The following ACTN1 variants were observed in gnomAD, a reference collection of about 807,000 sequenced individuals.
ACTN1 encodes the protein alpha-actinin-1.
A neutral mutation model predicts 119.6 loss-of-function variants in ACTN1; 30 were observed. That is an observed-to-expected ratio of 0.25 (90% CI 0.19 to 0.34). The LOEUF (loss-of-function observed/expected upper bound fraction) is 0.34. ACTN1 is among the 10% of genes least tolerant of loss of function. The pLI is 1.00. For synonymous variants in ACTN1, 429 were observed against 472.6 expected (o/e 0.91, Z 1.20); for missense variants, 764 against 1,223.4 (o/e 0.62, Z 5.60).
intron 1 of ACTN1, among the ~76,000 whole-genome samples, chr14:68,930,483 G>A (rs2035174782): frequency 6.6e-6 from 1 of 152,150 alleles, no homozygotes; most frequent in Non-Finnish European, 1.5e-5. Flanking sequence ...ATGAGTTAGG[G>A]GATGAGCTTT....
At chr14:68,978,873 CCGAGAGCCCGG>C in intron 1 of ACTN1, 68 bp downstream of exon 1, 1 of 984,296 alleles carries the variant, frequency 1.0e-6, no homozygotes, top group Non-Finnish European at 1.4e-6. Flanking sequence ...GAGCCCGGAG[CCGAGAGCCCGG>C]CAGGCAGAGC....
chr14:68,876,329 G>T (rs542565950), intron 21 of ACTN1, among the ~76,000 whole-genome samples: 5 of 152,178 alleles, frequency 3.3e-5, no homozygotes, highest in Non-Finnish European at 7.3e-5. Flanking sequence ...ATGGCATAAG[G>T]ATTTACTGTG....
At chr14:68,898,362 G>A (rs1329534366) in intron 8 of ACTN1, among the ~76,000 whole-genome samples, 8 of 152,256 alleles carry the variant, frequency 5.3e-5, no homozygotes, top group Non-Finnish European at 1.2e-4. Context: ...CTCATCTAAT[G>A]AGGGAAATCA....
intron 6 of ACTN1, among the ~76,000 whole-genome samples, chr14:68,907,117 AC>A: frequency 6.6e-6 from 1 of 151,006 alleles, no homozygotes; most frequent in East Asian, 1.9e-4. Context: ...TACTAAAAAT[AC>A]AAAAATTAGC....
At chr14:68,961,363 T>C (rs1197948748) in intron 1 of ACTN1, among the ~76,000 whole-genome samples, 3 of 152,268 alleles carry the variant, frequency 2.0e-5, no homozygotes, top group Admixed American at 6.5e-5. Context: ...TAAAAATAGG[T>C]TTCTGAAAAT....
chr14:68,961,579 A>G (rs900074685), intron 1 of ACTN1, among the ~76,000 whole-genome samples: 2 of 152,188 alleles, frequency 1.3e-5, no homozygotes, highest in Admixed American at 1.3e-4. Context: ...GGGGTGGGCT[A>G]TAGGCCCTAT....
Position 68,955,775 on chromosome 14 carries a change from G to C in ACTN1, c.105+23177C>G, listed in dbSNP as rs140294164. 2.8e-4 allele frequency among the ~76,000 whole-genome samples: 43 copies of C among 152,324 alleles called. No homozygotes were observed. In the East Asian group the frequency reaches 8.1e-3, roughly 29 times the overall value. On this transcript the variant is annotated intron_variant, in intron 1 of 21. Coordinates refer to ENST00000394419, the MANE Select transcript of ACTN1 (RefSeq NM_001130004.2). ...AGCACTGCAGTGTTGCTTTAAAGCA[G>C]CCTTGCAGAGAGCCAACCAGACCAC... is the stretch of plus-strand genomic sequence containing the variant.
At chr14:68,903,400 G>A (rs1017371257) in intron 7 of ACTN1, among the ~76,000 whole-genome samples, 14 of 152,204 alleles carry the variant, frequency 9.2e-5, no homozygotes, top group South Asian at 6.2e-4. Context: ...AAAATTAGCC[G>A]GTGGTGGGTG....
chr14:68,883,232 C>T, intron 14 of ACTN1, 177 bp from the exon 15 acceptor site: 1 of 655,546 alleles, frequency 1.5e-6, no homozygotes, highest in South Asian at 2.0e-5. Flanking sequence ...AAGCCACAGT[C>T]ATCAAAAGCA....
chr14:68,960,318 T>C (rs1194891641), intron 1 of ACTN1, among the ~76,000 whole-genome samples: 1 of 152,194 alleles, frequency 6.6e-6, no homozygotes, highest in Non-Finnish European at 1.5e-5. Context: ...ATTTGAAATT[T>C]GCTAAGACAG....
chr14:68,957,850 G>A (rs547688754), intron 1 of ACTN1, among the ~76,000 whole-genome samples: 6 of 152,180 alleles, frequency 3.9e-5, no homozygotes, highest in Non-Finnish European at 8.8e-5. Context: ...CTGGTTCAGC[G>A]AAGTGAAGAG....
intron 1 of ACTN1, among the ~76,000 whole-genome samples, chr14:68,960,391 G>A (rs1230497201): frequency 3.3e-5 from 5 of 152,080 alleles, no homozygotes; most frequent in Non-Finnish European, 7.4e-5. Context: ...GTGAGGTGAT[G>A]GATGTGTTAA....
chr14:68,885,460 A>C lies in ACTN1; in HGVS notation c.1350T>G (p.Arg450=). The change falls in exon 12 of 22, where the codon CGT becomes CGG. Residue 450 remains arginine (R), a synonymous_variant. Transcript: ENST00000394419. This position sits in a 1 kb window ranked among gnomAD's most constrained non-coding sequence, Gnocchi z 5.6. ...FESDLAAHQD[R]VEQIAAIAQE... The stretch of plus-strand genomic sequence containing the variant: ...GTGCGATGGCGGCAATCTGCTCCAC[A>C]CGGTCCTGGTGGGCAGCCAGGTCAC... The C allele has an allele frequency of 1.2e-6, 2 of 1,613,328 alleles. No homozygotes were observed. Among genetic ancestry groups the C allele is most frequent in the Non-Finnish European group, 1.7e-6 (2 of 1,179,790 alleles).
At position 68,878,473 on chromosome 14, in the gene ACTN1, G is replaced by A; in HGVS notation, c.2412C>T (p.Ser804=). 1 of 1,568,340 alleles carries A rather than the reference G, an allele frequency of 6.4e-7. No homozygotes were observed. The highest frequency in any genetic ancestry group is 8.7e-7 in the Non-Finnish European group (1 of 1,155,308). The change falls in exon 20 of 22, where the codon TCC becomes TCT. Residue 804 remains serine (S), a synonymous_variant. Coordinates refer to ENST00000394419, the MANE Select transcript of ACTN1 (RefSeq NM_001130004.2). The surrounding 1 kb of genome is among the most constrained non-coding windows in gnomAD (Gnocchi z 4.4). Reference sequence around the variant, plus strand: ...TTTACGTTACCATGTTGTAACCCATGGAGATCAGGCAGGCGCGGAAATCAT... The same window carrying A: ...TTTACGTTACCATGTTGTAACCCATAGAGATCAGGCAGGCGCGGAAATCAT... The part of the protein sequence containing the change: ...DTDDFRACLI[S]MGYNMGEAEF...
At chr14:68,971,851 A>G (rs1164206201) in intron 1 of ACTN1, among the ~76,000 whole-genome samples, 1 of 152,154 alleles carries the variant, frequency 6.6e-6, no homozygotes, top group Non-Finnish European at 1.5e-5. Context: ...TCTGCAATGT[A>G]CGCCCGATTT....
chr14:68,974,862 C>T (rs189269242), intron 1 of ACTN1, among the ~76,000 whole-genome samples: 3 of 152,282 alleles, frequency 2.0e-5, no homozygotes, highest in East Asian at 1.9e-4. Context: ...CCTAGAGACC[C>T]GACATAGCAC....
At chr14:68,940,020 G>A (rs1052869137) in intron 1 of ACTN1, among the ~76,000 whole-genome samples, 2 of 152,192 alleles carry the variant, frequency 1.3e-5, no homozygotes, top group Non-Finnish European at 2.9e-5. Context: ...CTAAATGGGC[G>A]GAGCTGGTCT....
At position 68,882,326 on chromosome 14, in the gene ACTN1, C is replaced by A. The variant is rs2031613859; in HGVS notation, c.1953+132G>T. On this transcript the variant is annotated intron_variant, in intron 16 of 21. Transcript: ENST00000394419. The surrounding 1 kb of genome is among the most constrained non-coding windows in gnomAD (Gnocchi z 4.5). The stretch of plus-strand genomic sequence containing the variant: ...GCCCCCATAGCCTTCTACAGAACAG[C>A]AGACCCACGGTGGGCTCCGGGCCTC... The A allele has an allele frequency of 1.1e-5, 14 of 1,271,440 alleles. No homozygotes were observed. The East Asian group carries it at 3.3e-4, about 30-fold the overall frequency. 78.8% of individuals were successfully genotyped at this position (1,271,440 alleles called of 1,614,324 possible).
At chr14:68,899,409 C>A (rs2033147486) in intron 8 of ACTN1, among the ~76,000 whole-genome samples, 1 of 148,756 alleles carries the variant, frequency 6.7e-6, no homozygotes, top group Non-Finnish European at 1.5e-5. Context: ...CACACTACAC[C>A]CTTCCACACC....
Sources: gnomAD v4.1 joint callset for allele counts (sites outside exome capture counted in the v4.1 genomes callset) on GRCh38, gnomAD v4.1.1 for gene constraint, Gnocchi (gnomAD v3.1) non-coding constraint, MANE v1.5 for transcripts, NCBI Gene and HGNC (gene_info 2026-07-23, HGNC 2026-07-21) for gene names.